Variants in HS2ST1 observed in about 807,000 individuals in gnomAD.
HS2ST1 encodes the protein heparan sulfate 2-O-sulfotransferase 1.
HS2ST1 carries 18 observed loss-of-function variants against 42.9 expected under a neutral mutation model. That is an observed-to-expected ratio of 0.42 (90% CI 0.29 to 0.62). HS2ST1 has a LOEUF of 0.62. HS2ST1 is among the 20% of genes least tolerant of loss of function. The pLI is 0.21. For missense variants in HS2ST1, 334 were observed against 433.8 expected (o/e 0.77, Z 2.04); for synonymous variants, 146 against 152.9 (o/e 0.95, Z 0.33).
At chr1:87,084,858 C>CACTG in intron 3 of HS2ST1, among the ~76,000 whole-genome samples, 1 of 151,730 alleles carries the variant, frequency 6.6e-6, no homozygotes, top group African/African-American at 2.4e-5. Context: ...CTCACTCACT[C>CACTG]ACTCACTCAC....
At chr1:86,924,216 C>G (rs1484504526) in intron 1 of HS2ST1, among the ~76,000 whole-genome samples, 1 of 152,218 alleles carries the variant, frequency 6.6e-6, no homozygotes, top group East Asian at 1.9e-4. Flanking sequence ...CACACTGATG[C>G]AAGAGTTGGG....
chr1:87,053,722 C>T (rs6659529), intron 1 of HS2ST1, among the ~76,000 whole-genome samples: 129,725 of 152,082 alleles, frequency 0.85, 56,345 homozygotes, highest in East Asian at 0.99. Flanking sequence ...CTTTGAGTAT[C>T]TACAAGTGGA....
chr1:86,919,518 G>C (rs957013578), intron 1 of HS2ST1, among the ~76,000 whole-genome samples: 1 of 152,042 alleles, frequency 6.6e-6, no homozygotes, highest in Non-Finnish European at 1.5e-5. Flanking sequence ...TTTTCCAACT[G>C]TATGTTAACA....
intron 2 of HS2ST1, among the ~76,000 whole-genome samples, chr1:87,074,127 A>T (rs1354422264): frequency 6.6e-6 from 1 of 152,224 alleles, no homozygotes; most frequent in Non-Finnish European, 1.5e-5. Context: ...TGTAAAGGCT[A>T]GTAGTATATG....
intron 1 of HS2ST1, among the ~76,000 whole-genome samples, chr1:87,050,058 C>T (rs1293007318): frequency 6.6e-6 from 1 of 151,962 alleles, no homozygotes; most frequent in African/African-American, 2.4e-5. Context: ...AATATGGCTA[C>T]ACCAGCTTTT....
At position 87,109,260 on chromosome 1, in the gene HS2ST1, G is replaced by A. The variant is rs1159756228; in HGVS notation, c.*4564G>A. On this transcript the variant is annotated 3_prime_UTR_variant, in exon 7 of 7. Coordinates refer to ENST00000370550, the MANE Select transcript of HS2ST1 (RefSeq NM_012262.4). ...ATTTTCCAAGCTGACTCAGTGTTCA[G>A]TGTCAACTTAACTCTCAGATAGTGT... 6.6e-6 allele frequency: 1 copy of A among 152,370 alleles called. No individual in the cohort carries two copies. Among genetic ancestry groups the A allele is most frequent in the Admixed American group, 6.6e-5 (1 of 15,252 alleles). 9.4% of individuals were successfully genotyped at this position (152,370 alleles called of 1,614,324 possible).
chr1:87,073,184 T>C lies in HS2ST1; in HGVS notation c.363+12T>C. 1.3e-6 allele frequency: 2 copies of C among 1,534,694 alleles called. No homozygotes were observed. Among genetic ancestry groups the C allele is most frequent in the Non-Finnish European group, 1.8e-6 (2 of 1,108,140 alleles). ...CATTGCAAGATCAGGTAATTACCACTTAAGGAATGCCCAAATATTTTCTAA... is the reference window on the plus strand; with the variant it reads ...CATTGCAAGATCAGGTAATTACCACCTAAGGAATGCCCAAATATTTTCTAA... On this transcript the variant is annotated intron_variant, in intron 2 of 6. Transcript: ENST00000370550.
At chr1:86,998,106 T>C (rs1311189566) in intron 1 of HS2ST1, among the ~76,000 whole-genome samples, 2 of 152,234 alleles carry the variant, frequency 1.3e-5, no homozygotes, top group African/African-American at 2.4e-5. Context: ...GTCAAGGATA[T>C]CCTTGTGTTG....
intron 1 of HS2ST1, among the ~76,000 whole-genome samples, chr1:87,061,552 A>G (rs1238017788): frequency 1.3e-5 from 2 of 152,146 alleles, no homozygotes; most frequent in Non-Finnish European, 2.9e-5. Context: ...ATATTGTATT[A>G]CTAACATATA....
At chr1:87,063,269 C>G (rs1225366141) in intron 1 of HS2ST1, among the ~76,000 whole-genome samples, 1 of 152,094 alleles carries the variant, frequency 6.6e-6, no homozygotes, top group African/African-American at 2.4e-5. Context: ...GTTCATTAAA[C>G]TTTTCTTCAT....
rs931094499 is a variant in HS2ST1, at chr1:87,109,551, C to T, written c.*4855C>T. ...ATATCCATAATTTTTTTTGGGAACACACATTTCTGATTTTTTTTTTCCCCC... is the reference window on the plus strand; with the variant it reads ...ATATCCATAATTTTTTTTGGGAACATACATTTCTGATTTTTTTTTTCCCCC... On this transcript the variant is annotated 3_prime_UTR_variant, in exon 7 of 7. Transcript: ENST00000370550. The T allele has an allele frequency of 1.3e-5, 2 of 151,914 alleles. No individual in the cohort carries two copies. Among genetic ancestry groups the T allele is most frequent in the African/African-American group, 2.4e-5 (1 of 41,394 alleles). The allele number at this position is 151,914 out of a possible 1,614,324, so 9.4% of individuals were successfully genotyped here.
chr1:87,015,916 A>T (rs999652867), intron 1 of HS2ST1, among the ~76,000 whole-genome samples: 7 of 151,442 alleles, frequency 4.6e-5, no homozygotes. Flanking sequence ...TCCTGGGTTT[A>T]ATCGATTCTC....
At chr1:86,915,187 A>C (rs1557477415) in intron 1 of HS2ST1, 27 bp downstream of exon 1, 2 of 1,600,642 alleles carry the variant, frequency 1.2e-6, no homozygotes, top group Non-Finnish European at 1.7e-6. Flanking sequence ...CCCCGGGCTG[A>C]GTGCTGTGGA....
intron 1 of HS2ST1, among the ~76,000 whole-genome samples, chr1:86,997,134 GC>G (rs1196489394): frequency 6.6e-6 from 1 of 152,172 alleles, no homozygotes; most frequent in East Asian, 1.9e-4. Flanking sequence ...TGGAGATCAA[GC>G]AAAAAGAAGG....
At chr1:86,934,889 C>T (rs559086619) in intron 1 of HS2ST1, 1 of 134,080 alleles carries the variant, frequency 7.5e-6, no homozygotes, top group African/African-American at 2.9e-5. Flanking sequence ...GATCCTGCCA[C>T]TGCATTCCTG....
chr1:87,107,454 T>G lies in HS2ST1; in HGVS notation c.*2758T>G, dbSNP rs1405780583. 1 of 152,062 alleles carries G rather than the reference T, an allele frequency of 6.6e-6. No homozygotes were observed. Among genetic ancestry groups the G allele is most frequent in the Non-Finnish European group, 1.5e-5 (1 of 67,956 alleles). 9.4% of individuals were successfully genotyped at this position (152,062 alleles called of 1,614,324 possible). ...CAGTACTAGGAGTCATAATACTTTA[T>G]AATCAATTAAATAAATAGAACCACT... is the stretch of plus-strand genomic sequence containing the variant. On this transcript the variant is annotated 3_prime_UTR_variant, in exon 7 of 7. Coordinates refer to ENST00000370550, the MANE Select transcript of HS2ST1 (RefSeq NM_012262.4).
chr1:86,993,986 T>A (rs1241350618), intron 1 of HS2ST1, among the ~76,000 whole-genome samples: 1 of 152,218 alleles, frequency 6.6e-6, no homozygotes, highest in Non-Finnish European at 1.5e-5. Flanking sequence ...GTGCCCGTTT[T>A]GTTAAGCTTT....
At chr1:86,992,358 CTT>C (rs1292639850) in intron 1 of HS2ST1, among the ~76,000 whole-genome samples, 66 of 148,802 alleles carry the variant, frequency 4.4e-4, no homozygotes, top group Admixed American at 7.3e-4. Flanking sequence ...TTAATTTTCT[CTT>C]TCTTTTTTTT....
In HS2ST1 at chr1:86,999,397, C is replaced by T. The variant is rs960762933; in HGVS notation, c.125-73537C>T. 3.9e-5 allele frequency among the ~76,000 whole-genome samples: 6 copies of T among 152,112 alleles called. No individual in the cohort carries two copies. In the South Asian group the frequency reaches 1.0e-3, roughly 26 times the overall value. Reference sequence around the variant, plus strand: ...TTCTCCATGTTGGTCAGGCTGGTCTCGAACTCCCGACTTCAGATGATCCAC... The same window carrying T: ...TTCTCCATGTTGGTCAGGCTGGTCTTGAACTCCCGACTTCAGATGATCCAC... On this transcript the variant is annotated intron_variant, in intron 1 of 6. Transcript: ENST00000370550.
Sources: allele counts gnomAD v4.1 joint callset (sites outside exome capture counted in the v4.1 genomes callset), GRCh38; gene constraint gnomAD v4.1.1; transcripts MANE v1.5; gene names NCBI Gene and HGNC (gene_info 2026-07-23, HGNC 2026-07-21).